Variants in EXOC5 observed in about 807,000 individuals in gnomAD.
EXOC5 encodes the protein exocyst complex component 5.
EXOC5 carries 17 observed loss-of-function variants against 90.8 expected under a neutral mutation model. The observed-to-expected ratio is 0.19, with a 90% CI of 0.13 to 0.28. The LOEUF (loss-of-function observed/expected upper bound fraction) is 0.28. Among genes scored for constraint, EXOC5 ranks in the 10% least tolerant of loss-of-function variants. The pLI, the probability that EXOC5 is intolerant of heterozygous loss-of-function variation, is 1.00. For synonymous variants in EXOC5, 260 were observed against 270.0 expected (o/e 0.96, Z 0.36); for missense variants, 569 against 830.6 (o/e 0.69, Z 3.87).
intron 5 of EXOC5, 71 bp from the exon 6 acceptor site, chr14:57,237,437 C>T: frequency 1.0e-6 from 1 of 969,166 alleles, no homozygotes; most frequent in Non-Finnish European, 1.6e-6. Context: ...AAGATGCTAA[C>T]CAAATGGGAA....
At chr14:57,244,466 G>C in intron 3 of EXOC5, 107 bp from the exon 4 acceptor site, 1 of 807,472 alleles carries the variant, frequency 1.2e-6, no homozygotes, top group South Asian at 1.6e-5. Context: ...TTATATACGA[G>C]ATGATCTACA....
chr14:57,237,947 T>C (rs1199370637), intron 5 of EXOC5, among the ~76,000 whole-genome samples: 1 of 152,000 alleles, frequency 6.6e-6, no homozygotes, highest in Non-Finnish European at 1.5e-5. Flanking sequence ...AAAACTAAAA[T>C]ACCACGCAGT....
intron 5 of EXOC5, among the ~76,000 whole-genome samples, chr14:57,238,223 TACACACACACACAC>T (rs61373267): frequency 3.2e-5 from 4 of 125,154 alleles, no homozygotes; most frequent in South Asian, 2.5e-4. Context: ...CACATATATA[TACACACACACACAC>T]ACACACACAC....
At chr14:57,266,557 G>C (rs1212913435) in intron 1 of EXOC5, among the ~76,000 whole-genome samples, 1 of 152,062 alleles carries the variant, frequency 6.6e-6, no homozygotes, top group East Asian at 1.9e-4. Flanking sequence ...TCAGTTTTAA[G>C]ATCTATAAAT....
At chr14:57,226,269 T>C (rs1370665680) in intron 12 of EXOC5, among the ~76,000 whole-genome samples, 3 of 152,238 alleles carry the variant, frequency 2.0e-5, no homozygotes, top group Non-Finnish European at 4.4e-5. Flanking sequence ...CAACTTGAGT[T>C]TTCCCTTTGG....
chr14:57,236,678 T>C (rs1883670569), intron 6 of EXOC5, among the ~76,000 whole-genome samples: 1 of 152,196 alleles, frequency 6.6e-6, no homozygotes, highest in Non-Finnish European at 1.5e-5. Context: ...CCAGGAAGTC[T>C]AACTAGCTGT....
rs986203358 is a variant in EXOC5 at position 57,203,714 on chromosome 14, G to A, written c.*4895C>T. On this transcript the variant is annotated 3_prime_UTR_variant, in exon 18 of 18. Transcript: ENST00000621441. The stretch of plus-strand genomic sequence containing the variant: ...ATTTTTGAAAGTAAACTTAATTCCA[G>A]TTTCAGACTTTTAAATTAAAAGTGG... The A allele has an allele frequency of 2.6e-5, 4 of 152,428 alleles. No individual in the cohort carries two copies. Among genetic ancestry groups the A allele is most frequent in the Non-Finnish European group, 5.9e-5 (4 of 68,012 alleles). The allele number at this position is 152,428 out of a possible 1,614,324, so 9.4% of individuals were successfully genotyped here. A position where few individuals can be genotyped will look rare whatever the true frequency, so the allele number is the denominator to read the frequency against.
intron 4 of EXOC5, among the ~76,000 whole-genome samples, chr14:57,240,441 C>A (rs1883826553): frequency 6.6e-6 from 1 of 151,684 alleles, no homozygotes; most frequent in Admixed American, 6.6e-5. Flanking sequence ...GCCACCATGC[C>A]CGGCTAATTT....
At chr14:57,225,101 T>C (rs1344061136) in intron 12 of EXOC5, among the ~76,000 whole-genome samples, 1 of 152,080 alleles carries the variant, frequency 6.6e-6, no homozygotes, top group Non-Finnish European at 1.5e-5. Flanking sequence ...ACACAGATGT[T>C]AAAATTCTTT....
At position 57,222,401 on chromosome 14, in the gene EXOC5, C is replaced by A. The variant is rs1476985336; in HGVS notation, c.1312G>T (p.Asp438Tyr). 1.9e-6 allele frequency: 3 copies of A among 1,592,016 alleles called. No individual in the cohort carries two copies. The highest frequency in any genetic ancestry group is 1.1e-5 in the South Asian group (1 of 88,018). The change falls in exon 13 of 18, where the codon GAC (aspartate) becomes TAC (tyrosine). Residue 438 changes from aspartate (D) to tyrosine (Y), a missense_variant. Around this residue, in one of 9 missense-constraint regions of EXOC5, gnomAD observed 56 missense variants for 51.1 expected, o/e 1.10. Transcript: ENST00000621441. ...ERCHRLSDPSDLPRNAFRIFT... is the reference protein window; with the variant it reads ...ERCHRLSDPSYLPRNAFRIFT... ...ATTCTGAAGGCATTCCTTGGTAAGT[C>A]AGAAGGATCAGAGAGCTTAAAAACA...
At chr14:57,211,521 A>C (rs1386610176) in intron 15 of EXOC5, among the ~76,000 whole-genome samples, 1 of 152,170 alleles carries the variant, frequency 6.6e-6, no homozygotes, top group Non-Finnish European at 1.5e-5. Context: ...CTGTGTTCCA[A>C]GCACTGGCAA....
intron 4 of EXOC5, among the ~76,000 whole-genome samples, chr14:57,241,599 C>T (rs1883860121): frequency 6.6e-6 from 1 of 152,046 alleles, no homozygotes; most frequent in African/African-American, 2.4e-5. Context: ...TATTGAATTT[C>T]CATAGCAAAT....
chr14:57,205,217 GCTAA>G lies in EXOC5; in HGVS notation c.*3388_*3391del, dbSNP rs1287424393. On this transcript the variant is annotated 3_prime_UTR_variant, in exon 18 of 18. Transcript: ENST00000621441. ...ATTATGCAGCAAAATTTTTTAAATT[GCTAA>G]CTTTTAACTTCATGTAGAATTATTC... The G allele has an allele frequency of 3.9e-5, 6 of 151,910 alleles. No homozygotes were observed. Among genetic ancestry groups the G allele is most frequent in the African/African-American group, 1.4e-4 (6 of 41,404 alleles). 9.4% of individuals were successfully genotyped at this position (151,910 alleles called of 1,614,324 possible). A position where few individuals can be genotyped will look rare whatever the true frequency, so the allele number is the denominator to read the frequency against.
rs1045648341 is a variant in EXOC5, at chr14:57,230,910, GA to G, written c.1148+595del. Among the ~76,000 whole-genome samples, 418 of 130,656 alleles carry G rather than the reference GA, an allele frequency of 3.2e-3. 1 individual carries two copies. Among genetic ancestry groups the G allele is most frequent in the African/African-American group, 9.7e-3 (344 of 35,448 alleles). 85.7% of individuals were successfully genotyped at this position (130,656 alleles called of 152,430 possible). A position where few individuals can be genotyped will look rare whatever the true frequency, so the allele number is the denominator to read the frequency against. On this transcript the variant is annotated intron_variant, in intron 11 of 17. Coordinates refer to ENST00000621441, the MANE Select transcript of EXOC5 (RefSeq NM_006544.4). ...AATAACCTGGAACTTATTCTATCGAGAAAAAAAAAAATGAAAGAAACTATGG... is the reference window on the plus strand; with the variant it reads ...AATAACCTGGAACTTATTCTATCGAGAAAAAAAAAATGAAAGAAACTATGG...
At chr14:57,266,811 T>A (rs527713960) in intron 1 of EXOC5, among the ~76,000 whole-genome samples, 1 of 151,110 alleles carries the variant, frequency 6.6e-6, no homozygotes, top group South Asian at 2.1e-4. Context: ...AAAATATATA[T>A]TTCCCCACCT....
chr14:57,247,709 G>GCTC lies in EXOC5; in HGVS notation c.28_30dup (p.Glu10dup). The GCTC allele has an allele frequency of 6.6e-7, 1 of 1,525,900 alleles. No individual in the cohort carries two copies. Among genetic ancestry groups the GCTC allele is most frequent in the Admixed American group, 2.0e-5 (1 of 49,942 alleles). The allele number at this position is 1,525,900 out of a possible 1,614,324, so 94.5% of individuals were successfully genotyped here. On this transcript the variant is annotated inframe_insertion, in exon 2 of 18. Transcript: ENST00000621441. Reference sequence around the variant, plus strand: ...TCAATATATTCATCTGCCACAAAAGGCTCCTAGTTTACAAAAAAATACGCT... The same window carrying GCTC: ...TCAATATATTCATCTGCCACAAAAGGCTCCTCCTAGTTTACAAAAAAATACGCT...
chr14:57,260,906 T>G (rs1654351734), intron 1 of EXOC5, among the ~76,000 whole-genome samples: 1 of 152,210 alleles, frequency 6.6e-6, no homozygotes, highest in Non-Finnish European at 1.5e-5. Context: ...TCAAATTAAG[T>G]GTATTGCCAA....
chr14:57,230,095 A>AC (rs1883437140), intron 11 of EXOC5, among the ~76,000 whole-genome samples: 1 of 152,120 alleles, frequency 6.6e-6, no homozygotes, highest in Non-Finnish European at 1.5e-5. Flanking sequence ...TTGGACTTCT[A>AC]ATTTCTGAAG....
chr14:57,266,866 A>G (rs940853935), intron 1 of EXOC5, among the ~76,000 whole-genome samples: 5 of 151,950 alleles, frequency 3.3e-5, no homozygotes, highest in African/African-American at 7.3e-5. Flanking sequence ...AAAATCAAAC[A>G]TATTTCCAAA....
Sources: gnomAD v4.1 joint callset for allele counts (sites outside exome capture counted in the v4.1 genomes callset) on GRCh38, gnomAD v4.1.1 for gene constraint, gnomAD v4.1.1 regional missense constraint, MANE v1.5 for transcripts, NCBI Gene and HGNC (gene_info 2026-07-23, HGNC 2026-07-21) for gene names.